The following ADAM12 variants were observed in gnomAD, a reference collection of about 807,000 sequenced individuals.
The protein encoded by ADAM12 is disintegrin and metalloproteinase domain-containing protein 12.
A neutral mutation model predicts 106.4 loss-of-function variants in ADAM12; 70 were observed. The observed-to-expected ratio is 0.66, with a 90% CI of 0.54 to 0.80. The LOEUF (loss-of-function observed/expected upper bound fraction) is 0.80, where lower values mean the gene tolerates loss of function less well. Ranked by LOEUF, ADAM12 falls within the 30% of genes least tolerant of loss-of-function variation. The pLI, the probability that ADAM12 is intolerant of heterozygous loss-of-function variation, is 0.00. For missense variants in ADAM12, 1,010 were observed against 1,171.9 expected (o/e 0.86, Z 2.02); for synonymous variants, 420 against 433.5 (o/e 0.97, Z 0.39).
chr10:126,275,796 T>G (rs370312147), intron 3 of ADAM12, among the ~76,000 whole-genome samples: 1 of 152,166 alleles, frequency 6.6e-6, no homozygotes, highest in African/African-American at 2.4e-5. Flanking sequence ...GTTTTTACAA[T>G]AGTTTTTTTC....
intron 21 of ADAM12, 96 bp from the exon 22 acceptor site, chr10:126,019,921 T>A: frequency 7.1e-7 from 1 of 1,398,846 alleles, no homozygotes; most frequent in Non-Finnish European, 9.5e-7. Context: ...CCCTGCTTCC[T>A]GAATATCATC....
At chr10:126,308,490 T>C (rs1317784973) in intron 2 of ADAM12, among the ~76,000 whole-genome samples, 1 of 152,210 alleles carries the variant, frequency 6.6e-6, no homozygotes, top group Non-Finnish European at 1.5e-5. Context: ...CACAAGTCTT[T>C]TCTTTTTTCA....
chr10:126,123,738 G>A (rs1254812699), intron 5 of ADAM12, among the ~76,000 whole-genome samples: 4 of 152,152 alleles, frequency 2.6e-5, no homozygotes, highest in African/African-American at 4.8e-5. Flanking sequence ...CCCCACACTC[G>A]CCTGCTTCCC....
rs1234415485 is a variant in ADAM12 at position 126,086,681 on chromosome 10, ATATAT to A, written c.1145+7299_1145+7303del. 1.5e-3 allele frequency among the ~76,000 whole-genome samples: 42 copies of A among 28,446 alleles called. 1 individual carries two copies. Among genetic ancestry groups the A allele is most frequent in the Non-Finnish European group, 1.9e-3 (37 of 19,368 alleles). The allele number at this position is 28,446 out of a possible 152,430, so 18.7% of individuals were successfully genotyped here. On this transcript the variant is annotated intron_variant, in intron 11 of 22. Transcript: ENST00000448723. The stretch of plus-strand genomic sequence containing the variant: ...AAAAAAAAAAAAAAAAAAAAAAAAA[ATATAT>A]ATATATATATATATATATATAAAAT...
At chr10:126,204,063 T>A (rs547225479) in intron 3 of ADAM12, among the ~76,000 whole-genome samples, 41 of 152,338 alleles carry the variant, frequency 2.7e-4, no homozygotes, top group Non-Finnish European at 5.1e-4. Context: ...AATGCAAGGC[T>A]GCCAGTGGCG....
chr10:126,033,215 G>A (rs1954000092), intron 21 of ADAM12, among the ~76,000 whole-genome samples: 1 of 151,948 alleles, frequency 6.6e-6, no homozygotes, highest in Admixed American at 6.6e-5. Flanking sequence ...GGCCACAATG[G>A]GAAGTTTTAT....
At position 126,049,771 on chromosome 10, in the gene ADAM12, A is replaced by AATCACACC. The variant is rs920732094; in HGVS notation, c.1610-110_1610-103dup. On this transcript the variant is annotated intron_variant, in intron 14 of 22. Coordinates refer to ENST00000448723, the MANE Select transcript of ADAM12 (RefSeq NM_001288973.2). This position sits in a 1 kb window ranked among gnomAD's most constrained non-coding sequence, Gnocchi z 4.4. ...GGTTACGGGGAGACGTGCTCAAAGC[A>AATCACACC]ATCACACCCAGTGTCTGTCCCGACT... The AATCACACC allele has an allele frequency of 7.9e-5, 81 of 1,031,344 alleles. No homozygotes were observed. Among genetic ancestry groups the AATCACACC allele is most frequent in the Non-Finnish European group, 1.1e-4 (75 of 702,240 alleles). 63.9% of individuals were successfully genotyped at this position (1,031,344 alleles called of 1,614,324 possible). A position where few individuals can be genotyped will look rare whatever the true frequency, so the allele number is the denominator to read the frequency against.
At chr10:126,344,423 T>C (rs771060682) in intron 1 of ADAM12, among the ~76,000 whole-genome samples, 25 of 152,232 alleles carry the variant, frequency 1.6e-4, no homozygotes, top group Non-Finnish European at 2.8e-4. Context: ...TTGGTTACTA[T>C]AGCCTTGTAG....
intron 11 of ADAM12, among the ~76,000 whole-genome samples, chr10:126,081,164 G>A (rs963657122): frequency 4.6e-5 from 7 of 152,138 alleles, no homozygotes; most frequent in Non-Finnish European, 1.0e-4. Context: ...AACACGCACT[G>A]AGTCTAGGTT....
At chr10:126,285,146 C>T (rs1195452701) in intron 2 of ADAM12, among the ~76,000 whole-genome samples, 1 of 152,116 alleles carries the variant, frequency 6.6e-6, no homozygotes, top group African/African-American at 2.4e-5. Context: ...GTGGAATGGA[C>T]ATTCTAGAGA....
chr10:126,073,324 G>A (rs534308880), intron 11 of ADAM12, among the ~76,000 whole-genome samples: 199 of 152,292 alleles, frequency 1.3e-3, no homozygotes, highest in Non-Finnish European at 1.3e-3. Flanking sequence ...CTGAGCTCAG[G>A]TGATCTGCCC....
chr10:126,078,477 C>T (rs1020160323), intron 11 of ADAM12, among the ~76,000 whole-genome samples: 1 of 152,160 alleles, frequency 6.6e-6, no homozygotes, highest in African/African-American at 2.4e-5. Context: ...AGAAACATAT[C>T]TTTTATGCCA....
chr10:126,155,139 G>A (rs1003093024), intron 4 of ADAM12, 88 bp downstream of exon 4: 1 of 1,423,856 alleles, frequency 7.0e-7, no homozygotes, highest in African/African-American at 1.4e-5. Context: ...ATCTGGGCAT[G>A]TGATTTTGCT....
intron 2 of ADAM12, among the ~76,000 whole-genome samples, chr10:126,307,289 C>T (rs906088383): frequency 1.3e-5 from 2 of 152,106 alleles, no homozygotes; most frequent in Non-Finnish European, 2.9e-5. Context: ...GCTTCAAGTC[C>T]TTCTCAGCTA....
chr10:126,259,789 C>A (rs756072227), intron 3 of ADAM12, among the ~76,000 whole-genome samples: 1 of 152,186 alleles, frequency 6.6e-6, no homozygotes, highest in African/African-American at 2.4e-5. Flanking sequence ...AGTTCCAAAA[C>A]GCTCAGTAAG....
intron 3 of ADAM12, among the ~76,000 whole-genome samples, chr10:126,183,399 C>G (rs578174518): frequency 6.6e-6 from 1 of 152,282 alleles, no homozygotes; most frequent in African/African-American, 2.4e-5. Context: ...CACTAGAACA[C>G]CACCCGTGTG....
At chr10:126,342,813 T>G (rs935733312) in intron 1 of ADAM12, among the ~76,000 whole-genome samples, 9 of 152,058 alleles carry the variant, frequency 5.9e-5, no homozygotes, top group African/African-American at 1.7e-4. Flanking sequence ...GAGCACTTAA[T>G]ATGTCATCCA....
At chr10:126,364,378 G>A (rs1212453308) in intron 1 of ADAM12, among the ~76,000 whole-genome samples, 1 of 152,026 alleles carries the variant, frequency 6.6e-6, no homozygotes, top group Non-Finnish European at 1.5e-5. Flanking sequence ...GAAAAGAAAA[G>A]TTATTTATAA....
intron 20 of ADAM12, among the ~76,000 whole-genome samples, chr10:126,037,697 C>T (rs1237204527): frequency 3.3e-5 from 5 of 152,024 alleles, no homozygotes; most frequent in Non-Finnish European, 7.3e-5. Context: ...AGCAGGGAGC[C>T]GTGAGGTACT....
Sources: allele counts gnomAD v4.1 joint callset (sites outside exome capture counted in the v4.1 genomes callset), GRCh38; gene constraint gnomAD v4.1.1; non-coding constraint Gnocchi (gnomAD v3.1); transcripts MANE v1.5; gene names NCBI Gene and HGNC (gene_info 2026-07-23, HGNC 2026-07-21).